PTX4: variants seen among roughly 807,000 people sequenced by gnomAD.
The protein encoded by PTX4 is pentraxin 4.
A neutral mutation model predicts 19.1 loss-of-function variants in PTX4; 23 were observed. The observed-to-expected ratio is 1.20, with a 90% CI of 0.87 to 1.70. The LOEUF (loss-of-function observed/expected upper bound fraction) is 1.70, where lower values mean the gene tolerates loss of function less well. PTX4 is among the 40% of genes most tolerant of loss of function. PTX4 has a pLI of 0.00. For synonymous variants in PTX4, 317 were observed against 279.6 expected (o/e 1.13, Z -1.33); for missense variants, 678 against 610.5 (o/e 1.11, Z -1.17).
rs775459617 is a variant in PTX4, at chr16:1,487,447, G to T, written c.665C>A (p.Pro222His). Residue 222 changes from proline to histidine, a missense_variant, in exon 2 of 3, where the codon CCC (proline) becomes CAC (histidine). Pro to His is a moderately conservative substitution (Grantham distance 77, BLOSUM62 -2). Transcript: ENST00000447419. ...GAGAGGGGCCGAGGAGTCCTGTGGG[G>T]GGCCCCTGTGCTCAGAGGCAGCTCG... is the stretch of plus-strand genomic sequence containing the variant. ...ELRAASEHRG[P>H]PQDSSAPLQG... is the part of the protein sequence containing the mutation. The T allele has an allele frequency of 6.6e-6, 10 of 1,514,646 alleles. No homozygotes were observed. In the Admixed American group the frequency reaches 2.0e-4, roughly 31 times the overall value. The allele number at this position is 1,514,646 out of a possible 1,614,324, so 93.8% of individuals were successfully genotyped here.
intron 1 of PTX4, chr16:1,488,283 T>C: frequency 6.3e-7 from 1 of 1,584,420 alleles, no homozygotes; most frequent in East Asian, 2.3e-5. Context: ...CTCCTGCCTG[T>C]GAGCAGGGGA....
chr16:1,486,722 G>A, intron 2 of PTX4, 143 bp from the exon 3 acceptor site: 2 of 835,448 alleles, frequency 2.4e-6, no homozygotes, highest in South Asian at 3.8e-5. Context: ...CCTGCCGATG[G>A]CTCCCCTGCA....
intron 2 of PTX4, 117 bp downstream of exon 2, chr16:1,487,199 T>C (rs2039253664): frequency 2.0e-6 from 2 of 1,005,574 alleles, no homozygotes; most frequent in Non-Finnish European, 2.7e-6. Flanking sequence ...TCCGAGACCC[T>C]CTCCCCATCT....
chr16:1,487,848 C>G lies in PTX4; in HGVS notation c.264G>C (p.Gln88His), dbSNP rs1052726042. Reference sequence around the variant, plus strand: ...CCGAGGCCTGTGACCGGTTGACTGCCTGAGCCACAGCCTGGCTCTCTTCCG... The same window carrying G: ...CCGAGGCCTGTGACCGGTTGACTGCGTGAGCCACAGCCTGGCTCTCTTCCG... The part of the protein sequence containing the change: ...SLAEESQAVA[Q>H]AVNRSQASVQ... Residue 88 changes from glutamine (Q) to histidine (H), a missense_variant, in exon 2 of 3, where the codon CAG becomes CAC. By Grantham distance (24) the Gln-to-His change is conservative (BLOSUM62 0). Coordinates refer to ENST00000447419, the MANE Select transcript of PTX4 (RefSeq NM_001328608.2). The G allele has an allele frequency of 4.4e-5, 71 of 1,613,156 alleles. No homozygotes were observed. The highest frequency in any genetic ancestry group is 5.7e-5 in the Non-Finnish European group (67 of 1,179,952).
Position 1,487,587 on chromosome 16 carries a change from C to A in PTX4, c.525G>T (p.Leu175=). ...CTGCAGTGCCAGGGTGGGCCACGGG[C>A]AGCCGCCCCTCCAGAGCAGCCAGCC... is the stretch of plus-strand genomic sequence containing the variant. The part of the protein sequence containing the change: ...GARLAALEGR[L]PVAHPGTAAL... Residue 175 remains leucine (L), a synonymous_variant, in exon 2 of 3, where the codon CTG becomes CTT. Transcript: ENST00000447419. The A allele has an allele frequency of 6.4e-7, 1 of 1,554,742 alleles. No homozygotes were observed.
intron 1 of PTX4, chr16:1,488,266 A>C: frequency 6.4e-7 from 1 of 1,566,302 alleles, no homozygotes; most frequent in South Asian, 1.2e-5. Context: ...TTCCCTCGTG[A>C]TTCCAGCTCC....
At position 1,486,187 on chromosome 16, in the gene PTX4, G is replaced by T; in HGVS notation, c.1189C>A (p.Pro397Thr). The T allele has an allele frequency of 6.2e-7, 1 of 1,613,866 alleles. No homozygotes were observed. Among genetic ancestry groups the T allele is most frequent in the Non-Finnish European group, 8.5e-7 (1 of 1,179,942 alleles). The change falls in exon 3 of 3, where the codon CCC becomes ACC. Residue 397 changes from proline (P) to threonine (T), a missense_variant. By Grantham distance (38) the Pro-to-Thr change is conservative. Transcript: ENST00000447419. ...SRFREGYEIP[P>T]GGSLVLGQEQ... is the part of the protein sequence containing the mutation. ...TGGCCCAGCACGAGGGACCCTCCGG[G>T]GGGGATCTCATAGCCCTCCCTGAAG...
rs1165714060 is a variant in PTX4 at position 1,488,769 on chromosome 16, C to G, written c.141G>C (p.Gln47His). The change falls in exon 1 of 3, where the codon CAG becomes CAC. Residue 47 changes from glutamine (Q) to histidine (H), a missense_variant and splice_region_variant. Transcript: ENST00000447419. ...FFERLRRLEEQFRRFQEVTWT... is the reference protein window; with the variant it reads ...FFERLRRLEEHFRRFQEVTWT... ...GCGCCATGTCAGGGGTATAACTTGC[C>G]TGTTCCTCCAGCCTACGGAGCCTCT... 1 of 696,474 alleles carries G rather than the reference C, an allele frequency of 1.4e-6. No homozygotes were observed. The highest frequency in any genetic ancestry group is 2.7e-5 in the East Asian group (1 of 37,174). The allele number at this position is 696,474 out of a possible 1,614,324, so 43.1% of individuals were successfully genotyped here. A position where few individuals can be genotyped will look rare whatever the true frequency, so the allele number is the denominator to read the frequency against.
chr16:1,486,018 A>C lies in PTX4; in HGVS notation c.1358T>G (p.Ile453Ser). ...AIGKEFPTGA[I>S]LTLANAALAG... ...TAGTGCAGCATTGGCCAGCGTCAGG[A>C]TGGCACCTGTCGGGAACTCTTTCCC... The change falls in exon 3 of 3, where the codon ATC (isoleucine) becomes AGC (serine). Residue 453 changes from isoleucine (I) to serine (S), a missense_variant. Physicochemically the swap from Ile to Ser is moderately radical, Grantham distance 142. Coordinates refer to ENST00000447419, the MANE Select transcript of PTX4 (RefSeq NM_001328608.2). 6.2e-7 allele frequency: 1 copy of C among 1,613,956 alleles called. No individual in the cohort carries two copies. Among genetic ancestry groups the C allele is most frequent in the Non-Finnish European group, 8.5e-7 (1 of 1,180,000 alleles).
In PTX4 at chr16:1,486,285, C is replaced by A; in HGVS notation, c.1091G>T (p.Cys364Phe). ...GCCCTGGGTGGACGTCCAGATGACA[C>A]AGATGTGGTGCCACTGGCCGTCCAG... ...LLLDGQWHHI[C>F]VIWTSTQGRY... The change falls in exon 3 of 3, where the codon TGT (cysteine) becomes TTT (phenylalanine). Residue 364 changes from cysteine to phenylalanine, a missense_variant. Physicochemically the swap from Cys to Phe is radical, Grantham distance 205. Transcript: ENST00000447419. 6.2e-7 allele frequency: 1 copy of A among 1,613,690 alleles called. No individual in the cohort carries two copies.
intron 1 of PTX4, chr16:1,488,531 C>G (rs1326422603): frequency 6.9e-7 from 1 of 1,455,180 alleles, no homozygotes; most frequent in East Asian, 2.3e-5. Context: ...CTTCTAGCCT[C>G]TGGCCCCACC....
chr16:1,488,111 G>C (rs2039267058), intron 1 of PTX4, 141 bp from the exon 2 acceptor site: 5 of 1,049,134 alleles, frequency 4.8e-6, no homozygotes, highest in Non-Finnish European at 6.9e-6. Flanking sequence ...CCACCGATTT[G>C]ATCCCCACTG....
chr16:1,487,996 G>T (rs776098434), intron 1 of PTX4, 26 bp from the exon 2 acceptor site: 13 of 1,539,454 alleles, frequency 8.4e-6, no homozygotes, highest in Middle Eastern at 3.5e-4. Flanking sequence ...GGTGATGATG[G>T]GGCGGGCCGG....
chr16:1,487,290 G>A (rs201642410), intron 2 of PTX4, 26 bp downstream of exon 2: 34 of 1,490,644 alleles, frequency 2.3e-5, no homozygotes, highest in South Asian at 2.1e-4. Context: ...AAGCCTGGCC[G>A]TGAGCTGGGA....
At chr16:1,488,644 G>C (rs910117764) in intron 1 of PTX4, 125 bp downstream of exon 1, 1 of 642,234 alleles carries the variant, frequency 1.6e-6, no homozygotes, top group Non-Finnish European at 2.8e-6. Flanking sequence ...TGGATGGAAA[G>C]AGCGTCACAC....
chr16:1,487,697 C>A lies in PTX4; in HGVS notation c.415G>T (p.Glu139Ter). The change falls in exon 2 of 3, where the codon GAA becomes TAA. Residue 139 changes from glutamate to a stop codon, truncating the protein, a stop_gained. Coordinates refer to ENST00000447419, the MANE Select transcript of PTX4 (RefSeq NM_001328608.2). LOFTEE classifies it high-confidence loss of function. ...CTCTGGGCCTTGTGTGCCTTCCTTT[C>A]CCGGGCCCGCTGCTGGCTCCTCTCG... ...LGERSQQRAR[E>*]RKAHKAQRDA... 1 of 1,610,972 alleles carries A rather than the reference C, an allele frequency of 6.2e-7. No individual in the cohort carries two copies. Among genetic ancestry groups the A allele is most frequent in the Non-Finnish European group, 8.5e-7 (1 of 1,178,468 alleles).
At position 1,487,807 on chromosome 16, in the gene PTX4, G is replaced by A. The variant is rs61733465; in HGVS notation, c.305C>T (p.Ala102Val). ...RSQASVQGELAQLKAWVRKLQ... is the reference protein window; with the variant it reads ...RSQASVQGELVQLKAWVRKLQ... The stretch of plus-strand genomic sequence containing the variant: ...CTTCCTCACCCAGGCCTTGAGCTGC[G>A]CCAGCTCCCCCTGCACCGAGGCCTG... The change falls in exon 2 of 3, where the codon GCG becomes GTG. Residue 102 changes from alanine (A) to valine (V), a missense_variant. By Grantham distance (64) the Ala-to-Val change is moderately conservative (BLOSUM62 0). Transcript: ENST00000447419. The A allele has an allele frequency of 1.1e-3, 1,762 of 1,612,984 alleles. 24 individuals are homozygous for A. The African/African-American group carries it at 0.021, about 19-fold the overall frequency.
chr16:1,486,392 G>A lies in PTX4; in HGVS notation c.984C>T (p.His328=), dbSNP rs750766435. The change falls in exon 3 of 3, where the codon CAC becomes CAT. Residue 328 remains histidine (H), a synonymous_variant. Coordinates refer to ENST00000447419, the MANE Select transcript of PTX4 (RefSeq NM_001328608.2). Reference sequence around the variant, plus strand: ...ATCCGGGCAGCAGGGAGTCTCGGCCGTGCAGCACCAGCTTGTTGTCATTGT... The same window carrying A: ...ATCCGGGCAGCAGGGAGTCTCGGCCATGCAGCACCAGCTTGTTGTCATTGT... ...TEDNDNKLVL[H]GRDSLLPGSI... is the part of the protein sequence containing the mutation. 8.1e-6 allele frequency: 13 copies of A among 1,613,954 alleles called. No individual in the cohort carries two copies. The highest frequency in any genetic ancestry group is 5.5e-5 in the South Asian group (5 of 91,082).
Position 1,487,471 on chromosome 16 carries a change from C to G in PTX4, c.641G>C (p.Arg214Pro). The G allele has an allele frequency of 6.6e-7, 1 of 1,508,656 alleles. No individual in the cohort carries two copies. The highest frequency in any genetic ancestry group is 8.9e-7 in the Non-Finnish European group (1 of 1,129,858). 93.5% of individuals were successfully genotyped at this position (1,508,656 alleles called of 1,614,324 possible). A position where few individuals can be genotyped will look rare whatever the true frequency, so the allele number is the denominator to read the frequency against. ...LKLQRDRQEL[R>P]AASEHRGPPQ... ...GGGGCCCCTGTGCTCAGAGGCAGCT[C>G]GGAGCTCCTGCCTGTCCCTCTGAAG... Residue 214 changes from arginine (R) to proline (P), a missense_variant, in exon 2 of 3, where the codon CGA becomes CCA. By Grantham distance (103) the Arg-to-Pro change is moderately radical (BLOSUM62 -2). Transcript: ENST00000447419.
Sources: allele counts gnomAD v4.1 joint callset, GRCh38; gene constraint gnomAD v4.1.1; transcripts MANE v1.5; gene names NCBI Gene and HGNC (gene_info 2026-07-23, HGNC 2026-07-21).